Variants in PRIMA1 observed in about 807,000 individuals in gnomAD.
PRIMA1 encodes proline-rich membrane anchor 1.
Under a neutral mutation model 17.5 loss-of-function variants are expected in PRIMA1, and 7 were observed. That is an observed-to-expected ratio of 0.40 (90% CI 0.23 to 0.75). PRIMA1 has a LOEUF of 0.75. Ranked by LOEUF, PRIMA1 falls within the 30% of genes least tolerant of loss-of-function variation. The probability of loss-of-function intolerance (pLI) is 0.37; values close to 1 mark genes in which losing one functional copy is unlikely to be tolerated. For missense variants in PRIMA1, 200 were observed against 201.8 expected, an observed-to-expected ratio of 0.99 and a Z score of 0.05; for synonymous variants, 97 against 77.9, an observed-to-expected ratio of 1.25 and a Z score of -1.29.
At chr14:93,781,005 C>A (rs1203738488) in intron 2 of PRIMA1, among the ~76,000 whole-genome samples, 2 of 152,226 alleles carry the variant, frequency 1.3e-5, no homozygotes, top group African/African-American at 4.8e-5. Flanking sequence ...AGGGAGAGCC[C>A]CCCGGGGCTG....
At chr14:93,743,496 C>T (rs1212350028) in intron 3 of PRIMA1, among the ~76,000 whole-genome samples, 4 of 152,218 alleles carry the variant, frequency 2.6e-5, no homozygotes, top group Non-Finnish European at 5.9e-5. Flanking sequence ...GCCCATCAGG[C>T]GGGTCACAAC....
At chr14:93,760,580 C>T (rs1332169469) in intron 3 of PRIMA1, among the ~76,000 whole-genome samples, 1 of 152,172 alleles carries the variant, frequency 6.6e-6, no homozygotes, top group African/African-American at 2.4e-5. Flanking sequence ...ACTTGGTGCC[C>T]ATTGAATTCC....
chr14:93,730,043 A>T (rs1456480606), intron 4 of PRIMA1, among the ~76,000 whole-genome samples: 1 of 152,178 alleles, frequency 6.6e-6, no homozygotes, highest in Non-Finnish European at 1.5e-5. Context: ...AAAAAAAATG[A>T]GTTTACTGCA....
intron 1 of PRIMA1, 109 bp from the exon 2 acceptor site, chr14:93,787,858 G>A (rs1354669946): frequency 6.1e-6 from 8 of 1,316,560 alleles, no homozygotes; most frequent in African/African-American, 1.5e-5. Context: ...CCGCACCCAG[G>A]GGCACCCTAG....
chr14:93,767,760 C>T (rs78952506), intron 3 of PRIMA1, among the ~76,000 whole-genome samples: 1 of 152,148 alleles, frequency 6.6e-6, no homozygotes, highest in Non-Finnish European at 1.5e-5. Flanking sequence ...TACACACCCC[C>T]CCTCTCCATT....
chr14:93,725,856 C>T (rs1036273393), intron 4 of PRIMA1: 15 of 441,430 alleles, frequency 3.4e-5, no homozygotes, highest in Non-Finnish European at 6.0e-5. Context: ...CCCCGTGGGG[C>T]TCCGGAAATG....
At chr14:93,735,291 G>A (rs1343157179) in intron 4 of PRIMA1, among the ~76,000 whole-genome samples, 1 of 152,154 alleles carries the variant, frequency 6.6e-6, no homozygotes, top group Non-Finnish European at 1.5e-5. Flanking sequence ...TCACCACTCA[G>A]CCTGGTGACA....
rs578089701 is a variant in PRIMA1, at chr14:93,767,014, C to G, written c.229+12162G>C. On this transcript the variant is annotated intron_variant, in intron 3 of 4. Transcript: ENST00000393140. Reference sequence around the variant, plus strand: ...ACAGGGCATCAAGTCTTGGAGCCCACTGATGGGCAGAGTGGCCTACAAGAC... The same window carrying G: ...ACAGGGCATCAAGTCTTGGAGCCCAGTGATGGGCAGAGTGGCCTACAAGAC... 2.2e-4 allele frequency among the ~76,000 whole-genome samples: 34 copies of G among 152,314 alleles called. No homozygotes were observed. In the South Asian group the frequency reaches 4.1e-3, roughly 19 times the overall value.
chr14:93,783,842 C>G (rs1885449345), intron 2 of PRIMA1, among the ~76,000 whole-genome samples: 1 of 150,666 alleles, frequency 6.6e-6, no homozygotes, highest in South Asian at 2.1e-4. Context: ...TTCCCAGCAT[C>G]AGTTCCCTCT....
chr14:93,753,832 C>T (rs543691602), intron 3 of PRIMA1, among the ~76,000 whole-genome samples: 5 of 152,266 alleles, frequency 3.3e-5, no homozygotes, highest in South Asian at 4.1e-4. Flanking sequence ...TTAAAGTGCA[C>T]GCTGCCAAAC....
chr14:93,729,787 G>A (rs1183156760), intron 4 of PRIMA1, among the ~76,000 whole-genome samples: 2 of 152,194 alleles, frequency 1.3e-5, no homozygotes, highest in Non-Finnish European at 2.9e-5. Context: ...AGTGTGTTAT[G>A]CGCAGGTGGG....
chr14:93,751,260 C>T (rs1166076317), intron 3 of PRIMA1, among the ~76,000 whole-genome samples: 1 of 152,216 alleles, frequency 6.6e-6, no homozygotes, highest in African/African-American at 2.4e-5. Flanking sequence ...GCAGAGCATC[C>T]TCCACCAGTA....
intron 3 of PRIMA1, among the ~76,000 whole-genome samples, chr14:93,740,274 T>C (rs999786103): frequency 6.6e-6 from 1 of 152,156 alleles, no homozygotes; most frequent in Non-Finnish European, 1.5e-5. Flanking sequence ...ATTTTCCCCA[T>C]GATGAACTTG....
rs1219212741 is a variant in PRIMA1, at chr14:93,719,442, G to T, written c.*2002C>A. On this transcript the variant is annotated 3_prime_UTR_variant, in exon 5 of 5. Transcript: ENST00000393140. ...CCAGGAACCTCCCCTCTTAGAGAAG[G>T]TGCCCTCTGATCACTCCTGAGCTTC... The T allele has an allele frequency of 6.6e-6, 1 of 152,342 alleles. No individual in the cohort carries two copies. Among genetic ancestry groups the T allele is most frequent in the African/African-American group, 2.4e-5 (1 of 41,462 alleles). The allele number at this position is 152,342 out of a possible 1,614,324, so 9.4% of individuals were successfully genotyped here. A position where few individuals can be genotyped will look rare whatever the true frequency, so the allele number is the denominator to read the frequency against.
At chr14:93,785,620 G>A (rs764823650) in intron 2 of PRIMA1, among the ~76,000 whole-genome samples, 16 of 152,104 alleles carry the variant, frequency 1.1e-4, no homozygotes, top group Non-Finnish European at 2.2e-4. Flanking sequence ...ACATGGCTTC[G>A]TGCATTTCCA....
chr14:93,747,923 G>GA (rs56094183), intron 3 of PRIMA1, among the ~76,000 whole-genome samples: 100,170 of 147,570 alleles, frequency 0.68, 36,523 homozygotes, highest in Non-Finnish European at 0.82. Flanking sequence ...GGACTGTGTG[G>GA]AGTGTGATTA....
At chr14:93,751,170 C>T (rs1465003279) in intron 3 of PRIMA1, among the ~76,000 whole-genome samples, 1 of 152,182 alleles carries the variant, frequency 6.6e-6, no homozygotes, top group Non-Finnish European at 1.5e-5. Flanking sequence ...CACCTGCAGC[C>T]CTTCTTCAGG....
At chr14:93,735,502 C>T (rs189785128) in intron 4 of PRIMA1, among the ~76,000 whole-genome samples, 112 of 152,210 alleles carry the variant, frequency 7.4e-4, no homozygotes, top group African/African-American at 2.3e-3. Context: ...GTGACTCCTC[C>T]GGGCAGCCAC....
intron 3 of PRIMA1, among the ~76,000 whole-genome samples, chr14:93,776,814 G>A (rs963030118): frequency 1.2e-4 from 18 of 152,314 alleles, no homozygotes; most frequent in African/African-American, 3.6e-4. Flanking sequence ...GAAGGTCTCA[G>A]CACTGTGCCA....
Sources: allele counts gnomAD v4.1 joint callset (sites outside exome capture counted in the v4.1 genomes callset), GRCh38; gene constraint gnomAD v4.1.1; transcripts MANE v1.5; gene names NCBI Gene and HGNC (gene_info 2026-07-23, HGNC 2026-07-21).